NCK2: variants seen among roughly 807,000 people sequenced by gnomAD.
NCK2 encodes the protein NCK adaptor protein 2, also known as cytoplasmic protein NCK2.
Under a neutral mutation model 33.9 loss-of-function variants are expected in NCK2, and 16 were observed. The observed-to-expected ratio is 0.47, with a 90% CI of 0.32 to 0.72. The LOEUF is 0.72. Among genes scored for constraint, NCK2 ranks in the 30% least tolerant of loss-of-function variants. The probability of loss-of-function intolerance (pLI) is 0.03; values close to 1 mark genes in which losing one functional copy is unlikely to be tolerated. For missense variants in NCK2, 418 were observed against 537.3 expected (o/e 0.78, Z 2.19); for synonymous variants, 273 against 239.9 (o/e 1.14, Z -1.27).
At chr2:105,860,474 C>T (rs898948320) in intron 3 of NCK2, among the ~76,000 whole-genome samples, 2 of 152,132 alleles carry the variant, frequency 1.3e-5, no homozygotes, top group African/African-American at 2.4e-5. Flanking sequence ...CCTGCTAAGC[C>T]GTAGGCGTCT....
At chr2:105,855,442 A>G (rs1188079449) in intron 3 of NCK2, 153 bp downstream of exon 3, 6 of 620,504 alleles carry the variant, frequency 9.7e-6, no homozygotes, top group Non-Finnish European at 1.6e-5. Context: ...GAATTAAGAG[A>G]TGAAGATGGA....
At chr2:105,794,198 G>GCCA (rs1690996254) in intron 1 of NCK2, among the ~76,000 whole-genome samples, 1 of 151,822 alleles carries the variant, frequency 6.6e-6, no homozygotes, top group African/African-American at 2.4e-5. Context: ...ACAGGCGCCT[G>GCCA]CCACCACGCT....
intron 2 of NCK2, among the ~76,000 whole-genome samples, chr2:105,835,409 G>GTATATATA (rs1380016345): frequency 8.6e-4 from 51 of 59,294 alleles, no homozygotes; most frequent in South Asian, 3.0e-3. Flanking sequence ...ATATATACGT[G>GTATATATA]TATATATATA....
At chr2:105,848,816 A>G (rs942578647) in intron 2 of NCK2, among the ~76,000 whole-genome samples, 2 of 152,236 alleles carry the variant, frequency 1.3e-5, no homozygotes, top group Admixed American at 6.5e-5. Context: ...AGATATTACA[A>G]AGAAAAAAGT....
At chr2:105,749,030 G>C (rs1230702106) in intron 1 of NCK2, among the ~76,000 whole-genome samples, 1 of 152,182 alleles carries the variant, frequency 6.6e-6, no homozygotes, top group Non-Finnish European at 1.5e-5. Context: ...TGAGTCATTT[G>C]TAGTCCTGAA....
chr2:105,813,484 C>T (rs1050315405), intron 1 of NCK2, among the ~76,000 whole-genome samples: 3 of 152,226 alleles, frequency 2.0e-5, no homozygotes, highest in Non-Finnish European at 4.4e-5. Context: ...CTGGAGTTGC[C>T]TTAGTCAGGG....
chr2:105,779,021 A>G (rs1259856491), intron 1 of NCK2, among the ~76,000 whole-genome samples: 1 of 152,182 alleles, frequency 6.6e-6, no homozygotes, highest in Non-Finnish European at 1.5e-5. Context: ...ATAATCCATC[A>G]TAAGGCTGGG....
At chr2:105,766,222 C>T (rs1278384692) in intron 1 of NCK2, among the ~76,000 whole-genome samples, 2 of 152,138 alleles carry the variant, frequency 1.3e-5, no homozygotes, top group Non-Finnish European at 2.9e-5. Context: ...TGGGGACTTC[C>T]CACCTGGGAA....
chr2:105,891,558 T>TAGATAGAG, intron 4 of NCK2, among the ~76,000 whole-genome samples: 1 of 13,934 alleles, frequency 7.2e-5, no homozygotes, highest in Non-Finnish European at 1.1e-4. Context: ...TTTTTTTTTT[T>TAGATAGAG]TTTTTTTTTT....
At chr2:105,821,254 C>T (rs781780191) in intron 2 of NCK2, among the ~76,000 whole-genome samples, 2 of 152,214 alleles carry the variant, frequency 1.3e-5, no homozygotes, top group Non-Finnish European at 1.5e-5. Context: ...TTGCCCCCAA[C>T]AGGTTATTTA....
intron 3 of NCK2, among the ~76,000 whole-genome samples, chr2:105,877,641 G>C (rs147606587): frequency 6.6e-6 from 1 of 152,316 alleles, no homozygotes; most frequent in Non-Finnish European, 1.5e-5. Context: ...CAAGCAGGCA[G>C]GGAGGGAGTG....
intron 2 of NCK2, among the ~76,000 whole-genome samples, chr2:105,824,325 G>A (rs1020408841): frequency 7.2e-5 from 11 of 152,192 alleles, no homozygotes; most frequent in Non-Finnish European, 1.2e-4. Flanking sequence ...TGAGAGCCCA[G>A]TCACTCCTCA....
chr2:105,879,710 G>A (rs1000691641), intron 3 of NCK2, among the ~76,000 whole-genome samples: 2 of 152,258 alleles, frequency 1.3e-5, no homozygotes, highest in African/African-American at 2.4e-5. Flanking sequence ...TGGGAGGGGG[G>A]CAGCAGCCCA....
At chr2:105,871,415 G>A (rs1010840336) in intron 3 of NCK2, among the ~76,000 whole-genome samples, 1 of 152,102 alleles carries the variant, frequency 6.6e-6, no homozygotes, top group Non-Finnish European at 1.5e-5. Context: ...GGCCAGTGGT[G>A]TTTCCTCATG....
chr2:105,831,888 T>G (rs564937090), intron 2 of NCK2, among the ~76,000 whole-genome samples: 1 of 152,348 alleles, frequency 6.6e-6, no homozygotes, highest in African/African-American at 2.4e-5. Flanking sequence ...CTTTTGTGGT[T>G]GCATACAAAT....
chr2:105,767,754 G>A (rs776770222), intron 1 of NCK2, among the ~76,000 whole-genome samples: 10 of 152,212 alleles, frequency 6.6e-5, no homozygotes, highest in Admixed American at 1.3e-4. Context: ...TTATTGGCGC[G>A]AGGTTTGAGG....
rs1677665544 is a variant in NCK2 at position 105,864,364 on chromosome 2, AC to A, written c.226+9079del. 2.6e-5 allele frequency among the ~76,000 whole-genome samples: 4 copies of A among 151,630 alleles called. No homozygotes were observed. The South Asian group carries it at 8.4e-4, about 32-fold the overall frequency. On this transcript the variant is annotated intron_variant, in intron 3 of 4. Coordinates refer to ENST00000233154, the MANE Select transcript of NCK2 (RefSeq NM_003581.5). ...GAGAAAAGGAAGATTTTGAAGGAAA[AC>A]CCCTAGGACTCTGTTGACTGGATGG...
intron 3 of NCK2, among the ~76,000 whole-genome samples, chr2:105,867,655 G>T (rs1425839989): frequency 6.6e-6 from 1 of 152,190 alleles, no homozygotes; most frequent in African/African-American, 2.4e-5. Flanking sequence ...TCACAGTGGG[G>T]TGTGTGGGAT....
intron 1 of NCK2, among the ~76,000 whole-genome samples, chr2:105,762,282 A>G (rs1689788428): frequency 6.6e-6 from 1 of 152,128 alleles, no homozygotes; most frequent in Non-Finnish European, 1.5e-5. Flanking sequence ...GCTAATGGGC[A>G]GAGCATCAAA....
Sources: gnomAD v4.1 joint callset for allele counts (sites outside exome capture counted in the v4.1 genomes callset) on GRCh38, gnomAD v4.1.1 for gene constraint, MANE v1.5 for transcripts, NCBI Gene and HGNC (gene_info 2026-07-23, HGNC 2026-07-21) for gene names.